Variants in CFDP1 observed in about 807,000 individuals in gnomAD.
The protein encoded by CFDP1 is heterochromatin-stabilizing protein CFDP1.
Under a neutral mutation model 40.1 loss-of-function variants are expected in CFDP1, and 31 were observed. The observed-to-expected ratio is 0.77, with a 90% CI of 0.58 to 1.04. The LOEUF (loss-of-function observed/expected upper bound fraction) is 1.04, where lower values mean the gene tolerates loss of function less well. Among genes scored for constraint, CFDP1 ranks in the 50% least tolerant of loss-of-function variants. The pLI is 0.00. For missense variants in CFDP1, 423 were observed against 343.4 expected, an observed-to-expected ratio of 1.23 and a Z score of -1.83; for synonymous variants, 167 against 120.0, an observed-to-expected ratio of 1.39 and a Z score of -2.56.
chr16:75,381,056 G>A (rs917367810), intron 5 of CFDP1: 1 of 152,222 alleles, frequency 6.6e-6, no homozygotes, highest in Non-Finnish European at 1.5e-5. Context: ...GTAGAGTGGA[G>A]AGAGGAAGAG....
intron 5 of CFDP1, 71 bp downstream of exon 5, chr16:75,395,019 A>AT: frequency 6.3e-7 from 1 of 1,579,706 alleles, no homozygotes; most frequent in Non-Finnish European, 8.7e-7. Flanking sequence ...ATCTGCAGCG[A>AT]AAGTAGGTAT....
At chr16:75,426,099 C>T (rs1245941777) in intron 1 of CFDP1, among the ~76,000 whole-genome samples, 4 of 143,870 alleles carry the variant, frequency 2.8e-5, no homozygotes, top group Admixed American at 7.3e-5. Context: ...GCCTATAATC[C>T]CAACACTTTG....
chr16:75,397,190 A>C (rs1233679418), intron 4 of CFDP1, among the ~76,000 whole-genome samples: 2 of 151,342 alleles, frequency 1.3e-5, no homozygotes, highest in African/African-American at 4.8e-5. Context: ...CTGGGATTAC[A>C]GGCGTGAGCC....
intron 5 of CFDP1, among the ~76,000 whole-genome samples, chr16:75,336,488 C>T (rs943618605): frequency 1.3e-5 from 2 of 152,188 alleles, no homozygotes; most frequent in African/African-American, 2.4e-5. Context: ...TGGCTTTAGC[C>T]GGGAGAAGAC....
In CFDP1 at chr16:75,331,565, G is replaced by A. The variant is rs562751408; in HGVS notation, c.651-26383C>T. Among the ~76,000 whole-genome samples the A allele has an allele frequency of 2.8e-4, 42 of 152,188 alleles. 1 individual carries two copies. The highest frequency in any genetic ancestry group is 8.9e-4 in the African/African-American group (37 of 41,528). ...AGTCAATTCCCCACCCTCCAGCAACGACTATTCTGATTTTTATAATCACAG... is the reference window on the plus strand; with the variant it reads ...AGTCAATTCCCCACCCTCCAGCAACAACTATTCTGATTTTTATAATCACAG... On this transcript the variant is annotated intron_variant, in intron 5 of 6. Transcript: ENST00000283882.
Position 75,433,261 on chromosome 16 carries a change from G to T in CFDP1, c.64+28C>A, listed in dbSNP as rs367880270. 90 of 1,577,992 alleles carry T rather than the reference G, an allele frequency of 5.7e-5. No homozygotes were observed. In the African/African-American group the frequency reaches 1.1e-3, roughly 20 times the overall value. ...CGTGAGGCGTGGGGCGGGGCAATTC[G>T]CTTCTCGCCTCAGGCGGAATCGCTC... is the stretch of plus-strand genomic sequence containing the variant. On this transcript the variant is annotated intron_variant, in intron 1 of 6. Coordinates refer to ENST00000283882, the MANE Select transcript of CFDP1 (RefSeq NM_006324.3).
chr16:75,295,575 G>A (rs1047622710), intron 6 of CFDP1, among the ~76,000 whole-genome samples: 3 of 152,160 alleles, frequency 2.0e-5, no homozygotes, highest in African/African-American at 7.2e-5. Context: ...GCCCAAGTCT[G>A]GACTTATGGT....
chr16:75,430,160 G>GT (rs869033054), intron 1 of CFDP1, among the ~76,000 whole-genome samples: 1 of 114,622 alleles, frequency 8.7e-6, no homozygotes, highest in Middle Eastern at 4.6e-3. Flanking sequence ...GAGACCAGAG[G>GT]TTTTTTTTGT....
chr16:75,405,696 G>C (rs2079091290), intron 4 of CFDP1, among the ~76,000 whole-genome samples: 1 of 150,412 alleles, frequency 6.6e-6, no homozygotes, highest in African/African-American at 2.4e-5. Context: ...GTTGCAGTGA[G>C]CTGAGATTGT....
In CFDP1 at chr16:75,311,792, A is replaced by G. The variant is rs921052133; in HGVS notation, c.651-6610T>C. Among the ~76,000 whole-genome samples, 12 of 147,402 alleles carry G rather than the reference A, an allele frequency of 8.1e-5. 1 individual carries two copies. The highest frequency in any genetic ancestry group is 3.0e-4 in the African/African-American group (12 of 40,028). On this transcript the variant is annotated intron_variant, in intron 5 of 6. Transcript: ENST00000283882. The stretch of plus-strand genomic sequence containing the variant: ...ACAATTTTTTTTTTTTTTTTTCAAG[A>G]AAGAGTCTTGCTATGTTGCCCAGAC...
intron 5 of CFDP1, among the ~76,000 whole-genome samples, chr16:75,305,832 G>A (rs1408822922): frequency 1.3e-5 from 2 of 152,160 alleles, no homozygotes; most frequent in African/African-American, 4.8e-5. Context: ...TGTGAGTTGG[G>A]CCCTGTTTTT....
intron 4 of CFDP1, among the ~76,000 whole-genome samples, chr16:75,402,018 G>C (rs528257005): frequency 6.6e-6 from 1 of 152,180 alleles, no homozygotes. Flanking sequence ...TAGTGCCAAA[G>C]TCCTATCTAT....
intron 1 of CFDP1, among the ~76,000 whole-genome samples, chr16:75,417,528 G>T (rs184205953): frequency 6.6e-6 from 1 of 152,072 alleles, no homozygotes. Context: ...GAAGAATTAA[G>T]AATATGCTTA....
Position 75,384,852 on chromosome 16 carries a change from CTATATATATATATATATATATATA to C in CFDP1, c.650+10214_650+10237del, listed in dbSNP as rs59681577. On this transcript the variant is annotated intron_variant, in intron 5 of 6. Transcript: ENST00000283882. Reference sequence around the variant, plus strand: ...TACAAGTTGCAAGAAGAAACTAAAACTATATATATATATATATATATATATATATATATATATATATATATATTG... The same window carrying C: ...TACAAGTTGCAAGAAGAAACTAAAACTATATATATATATATATATATATTG... Among the ~76,000 whole-genome samples the C allele has an allele frequency of 4.3e-4, 52 of 120,000 alleles. 2 individuals are homozygous for C. The highest frequency in any genetic ancestry group is 5.0e-4 in the East Asian group (2 of 4,034). The allele number at this position is 120,000 out of a possible 152,430, so 78.7% of individuals were successfully genotyped here.
intron 5 of CFDP1, among the ~76,000 whole-genome samples, chr16:75,329,823 T>C (rs1458560586): frequency 1.3e-5 from 2 of 152,228 alleles, no homozygotes; most frequent in East Asian, 3.8e-4. Context: ...TGTCTTACAT[T>C]CTTACTCAGT....
chr16:75,332,342 A>C (rs2078452129), intron 5 of CFDP1, among the ~76,000 whole-genome samples: 1 of 152,034 alleles, frequency 6.6e-6, no homozygotes, highest in African/African-American at 2.4e-5. Context: ...GCACGCACCT[A>C]TAATCCCAGC....
chr16:75,396,975 G>A (rs1235979076), intron 4 of CFDP1, among the ~76,000 whole-genome samples: 3 of 151,930 alleles, frequency 2.0e-5, no homozygotes, highest in East Asian at 2.0e-4. Context: ...GTGCAGTGGC[G>A]CAATCTCGGC....
chr16:75,327,589 A>T (rs2078411912), intron 5 of CFDP1, among the ~76,000 whole-genome samples: 1 of 152,162 alleles, frequency 6.6e-6, no homozygotes, highest in Non-Finnish European at 1.5e-5. Flanking sequence ...GAGTTTGGGA[A>T]AAAAAATTGT....
intron 4 of CFDP1, among the ~76,000 whole-genome samples, chr16:75,400,597 C>T (rs1339171747): frequency 6.6e-6 from 1 of 152,134 alleles, no homozygotes; most frequent in East Asian, 1.9e-4. Flanking sequence ...CAGCAGAACC[C>T]ATTACTCTGG....
Sources: allele counts gnomAD v4.1 joint callset (sites outside exome capture counted in the v4.1 genomes callset), GRCh38; gene constraint gnomAD v4.1.1; transcripts MANE v1.5; gene names NCBI Gene and HGNC (gene_info 2026-07-23, HGNC 2026-07-21).